The following CEPT1 variants were observed in gnomAD, a reference collection of about 807,000 sequenced individuals.
The protein encoded by CEPT1 is choline/ethanolamine phosphotransferase 1, also known as choline/ethanolaminephosphotransferase 1.
Under a neutral mutation model 42.6 loss-of-function variants are expected in CEPT1, and 7 were observed. The ratio of observed to expected loss-of-function variants is 0.16; its 90% CI spans 0.09 to 0.31. CEPT1 has a LOEUF of 0.31. CEPT1 is among the 10% of genes least tolerant of loss of function. CEPT1 has a pLI of 1.00. For synonymous variants in CEPT1, 171 were observed against 171.9 expected, an observed-to-expected ratio of 0.99 and a Z score of 0.04; for missense variants, 306 against 502.1, an observed-to-expected ratio of 0.61 and a Z score of 3.73.
intron 4 of CEPT1, among the ~76,000 whole-genome samples, chr1:111,172,030 G>A (rs967475272): frequency 1.3e-5 from 2 of 152,208 alleles, no homozygotes; most frequent in African/African-American, 2.4e-5. Context: ...GAGCCACCAC[G>A]CCCAGCCAGG....
At position 111,184,508 on chromosome 1, in the gene CEPT1, T is replaced by C; in HGVS notation, c.*198T>C. On this transcript the variant is annotated 3_prime_UTR_variant, in exon 9 of 9. Coordinates refer to ENST00000357172, the MANE Select transcript of CEPT1 (RefSeq NM_006090.5). ...CAAGTCCCATCTTGTAAATTGTATA[T>C]GTTGTCATGCAGGGTTTGGGCCAAG... is the stretch of plus-strand genomic sequence containing the variant. 1 of 446,812 alleles carries C rather than the reference T, an allele frequency of 2.2e-6. No homozygotes were observed. The highest frequency in any genetic ancestry group is 4.0e-6 in the Non-Finnish European group (1 of 253,128). The allele number at this position is 446,812 out of a possible 1,614,324, so 27.7% of individuals were successfully genotyped here. A position where few individuals can be genotyped will look rare whatever the true frequency, so the allele number is the denominator to read the frequency against.
At chr1:111,141,649 G>A (rs1380933295) in intron 1 of CEPT1, among the ~76,000 whole-genome samples, 2 of 152,094 alleles carry the variant, frequency 1.3e-5, no homozygotes, top group Non-Finnish European at 2.9e-5. Flanking sequence ...CTTTTAAGGA[G>A]TGCAATATTT....
At chr1:111,179,084 A>T (rs1656843229) in intron 5 of CEPT1, 1 of 152,204 alleles carries the variant, frequency 6.6e-6, no homozygotes. Context: ...AAAGCCTGTA[A>T]GGACATTTTA....
intron 2 of CEPT1, among the ~76,000 whole-genome samples, chr1:111,159,109 T>C (rs1655738143): frequency 6.7e-6 from 1 of 150,120 alleles, no homozygotes; most frequent in Admixed American, 6.6e-5. Context: ...GAGACGGGGT[T>C]TCACCGTTTT....
chr1:111,158,608 G>A (rs1011040178), intron 2 of CEPT1, among the ~76,000 whole-genome samples: 1 of 152,124 alleles, frequency 6.6e-6, no homozygotes, highest in Non-Finnish European at 1.5e-5. Flanking sequence ...GGATGTATTA[G>A]CAATATTAAG....
intron 2 of CEPT1, among the ~76,000 whole-genome samples, chr1:111,150,014 C>A (rs1046027558): frequency 7.2e-5 from 11 of 152,318 alleles, no homozygotes; most frequent in African/African-American, 2.6e-4. Context: ...GGAAGCTATT[C>A]TTTTCACTAG....
chr1:111,174,405 A>G (rs1257059726), intron 4 of CEPT1, among the ~76,000 whole-genome samples: 1 of 152,092 alleles, frequency 6.6e-6, no homozygotes, highest in Non-Finnish European at 1.5e-5. Context: ...AAATGAATAT[A>G]TCTAAAGAAC....
At chr1:111,160,122 TAC>T (rs1463056398) in intron 3 of CEPT1, 1 of 152,234 alleles carries the variant, frequency 6.6e-6, no homozygotes, top group African/African-American at 2.4e-5. Context: ...ACACCTCATA[TAC>T]AATTTTTAAA....
chr1:111,155,367 C>CT (rs1354977517), intron 2 of CEPT1, among the ~76,000 whole-genome samples: 2 of 151,674 alleles, frequency 1.3e-5, no homozygotes, highest in East Asian at 1.9e-4. Flanking sequence ...GGTCTTCTGT[C>CT]TTTTTTTCTT....
chr1:111,150,350 T>C (rs1292634429), intron 2 of CEPT1, among the ~76,000 whole-genome samples: 1 of 152,218 alleles, frequency 6.6e-6, no homozygotes, highest in African/African-American at 2.4e-5. Flanking sequence ...TATTGTTTCA[T>C]TGATCAAAAA....
chr1:111,146,080 CTT>C lies in CEPT1; in HGVS notation c.-73-1547_-73-1546del, dbSNP rs78721621. On this transcript the variant is annotated intron_variant, in intron 1 of 8. Transcript: ENST00000357172. The stretch of plus-strand genomic sequence containing the variant: ...CTTTTTTGTTCTATTAAGATTCTTT[CTT>C]TTTTTTTTTTTTTTAAATGGTCTCT... Among the ~76,000 whole-genome samples the C allele has an allele frequency of 7.6e-3, 1,045 of 137,488 alleles. 13 individuals carry two copies. The highest frequency in any genetic ancestry group is 0.023 in the Middle Eastern group (6 of 264). The allele number at this position is 137,488 out of a possible 152,430, so 90.2% of individuals were successfully genotyped here.
intron 1 of CEPT1, among the ~76,000 whole-genome samples, chr1:111,143,288 C>T (rs910163348): frequency 2.0e-5 from 3 of 152,220 alleles, no homozygotes; most frequent in Non-Finnish European, 4.4e-5. Flanking sequence ...TCTTCCTCCT[C>T]CCCTAAAACG....
At position 111,184,629 on chromosome 1, in the gene CEPT1, A is replaced by C. The variant is rs918742022; in HGVS notation, c.*319A>C. Reference sequence around the variant, plus strand: ...CAGATCCGCAGTGGTGGAGAGTTCTAATGTTGACTGTTTGCAGGCCAAAAG... The same window carrying C: ...CAGATCCGCAGTGGTGGAGAGTTCTCATGTTGACTGTTTGCAGGCCAAAAG... On this transcript the variant is annotated 3_prime_UTR_variant, in exon 9 of 9. Transcript: ENST00000357172. 1 of 175,822 alleles carries C rather than the reference A, an allele frequency of 5.7e-6. No individual in the cohort carries two copies. Among genetic ancestry groups the C allele is most frequent in the African/African-American group, 2.4e-5 (1 of 42,236 alleles). The allele number at this position is 175,822 out of a possible 1,614,324, so 10.9% of individuals were successfully genotyped here. A position where few individuals can be genotyped will look rare whatever the true frequency, so the allele number is the denominator to read the frequency against.
At chr1:111,161,918 A>G (rs973490244) in intron 4 of CEPT1, among the ~76,000 whole-genome samples, 2 of 152,228 alleles carry the variant, frequency 1.3e-5, no homozygotes, top group Non-Finnish European at 2.9e-5. Context: ...GTAGGAGAAG[A>G]GTAAATAGTG....
chr1:111,177,816 T>C (rs1656759611), intron 5 of CEPT1, among the ~76,000 whole-genome samples: 1 of 149,812 alleles, frequency 6.7e-6, no homozygotes. Flanking sequence ...TCAGGATTCA[T>C]GAGGTGAGGT....
chr1:111,171,981 C>T (rs1656440316), intron 4 of CEPT1, among the ~76,000 whole-genome samples: 1 of 152,224 alleles, frequency 6.6e-6, no homozygotes, highest in African/African-American at 2.4e-5. Context: ...AGGTGATCCG[C>T]CTGCCTCGGC....
rs765272316 is a variant in CEPT1, at chr1:111,147,824, A to G, written c.110A>G (p.Gln37Arg). ...TTGCVLNKLF[Q>R]LPTPPLSRHQ... The stretch of plus-strand genomic sequence containing the variant: ...GGATGTGTATTAAATAAATTGTTTC[A>G]GTTACCAACACCACCATTGTCAAGA... The change falls in exon 2 of 9, where the codon CAG (glutamine) becomes CGG (arginine). Residue 37 changes from glutamine to arginine, a missense_variant. This residue lies in a region of CEPT1 where 53 missense variants were observed against 54.8 expected (regional missense o/e 0.97). Transcript: ENST00000357172. 5 of 1,614,022 alleles carry G rather than the reference A, an allele frequency of 3.1e-6. No individual in the cohort carries two copies. Among genetic ancestry groups the G allele is most frequent in the Non-Finnish European group, 4.2e-6 (5 of 1,180,012 alleles).
In CEPT1 at chr1:111,140,267, T is replaced by G. The variant is rs1002769588; in HGVS notation, c.-114T>G. 1.3e-5 allele frequency: 2 copies of G among 151,846 alleles called. No homozygotes were observed. Among genetic ancestry groups the G allele is most frequent in the African/African-American group, 2.4e-5 (1 of 41,232 alleles). The allele number at this position is 151,846 out of a possible 1,614,324, so 9.4% of individuals were successfully genotyped here. A position where few individuals can be genotyped will look rare whatever the true frequency, so the allele number is the denominator to read the frequency against. On this transcript the variant is annotated 5_prime_UTR_variant, in exon 1 of 9. Transcript: ENST00000357172. ...CGATCAGTCACCCAGTCGGCTGGAG[T>G]CGGAGGCGATATTTCTAGGGGTGTA...
intron 5 of CEPT1, among the ~76,000 whole-genome samples, chr1:111,177,577 G>A (rs1002591140): frequency 1.3e-5 from 2 of 152,082 alleles, no homozygotes; most frequent in African/African-American, 2.4e-5. Flanking sequence ...GGTGATGCCT[G>A]GTAGTAAATT....
Sources: gnomAD v4.1 joint callset for allele counts (sites outside exome capture counted in the v4.1 genomes callset) on GRCh38, gnomAD v4.1.1 for gene constraint, gnomAD v4.1.1 regional missense constraint, MANE v1.5 for transcripts, NCBI Gene and HGNC (gene_info 2026-07-23, HGNC 2026-07-21) for gene names.